Variants in PCGF2 observed in about 807,000 individuals in gnomAD.
PCGF2 encodes the protein polycomb group RING finger protein 2.
A neutral mutation model predicts 36.1 loss-of-function variants in PCGF2; 8 were observed. The ratio of observed to expected loss-of-function variants is 0.22; its 90% CI spans 0.13 to 0.40. The LOEUF is 0.40. Among genes scored for constraint, PCGF2 ranks in the 10% least tolerant of loss-of-function variants. The pLI is 1.00. For missense variants in PCGF2, 436 were observed against 475.9 expected (o/e 0.92, Z 0.78); for synonymous variants, 198 against 191.2 (o/e 1.04, Z -0.29).
Position 38,739,613 on chromosome 17 carries a change from T to C in PCGF2, c.182A>G (p.His61Arg). The C allele has an allele frequency of 6.2e-7, 1 of 1,614,060 alleles. No homozygotes were observed. The highest frequency in any genetic ancestry group is 8.5e-7 in the Non-Finnish European group (1 of 1,179,944). Reference sequence around the variant, plus strand: ...GATGCTCAGCAGCGGCCGGGTTTTATGGACCTGCACGTCACACATGGGGCA... The same window carrying C: ...GATGCTCAGCAGCGGCCGGGTTTTACGGACCTGCACGTCACACATGGGGCA... ...KYCPMCDVQV[H>R]KTRPLLSIRS... Residue 61 changes from histidine to arginine, a missense_variant, in exon 4 of 11, where the codon CAT becomes CGT. Around this residue, in one of 3 missense-constraint regions of PCGF2, gnomAD observed 189 missense variants for 219.3 expected, o/e 0.86. Coordinates refer to ENST00000620225, the MANE Select transcript of PCGF2 (RefSeq NM_007144.3). This position sits in a 1 kb window ranked among gnomAD's most constrained non-coding sequence, Gnocchi z 4.0.
chr17:38,734,937 T>G lies in PCGF2; in HGVS notation c.*286A>C. On this transcript the variant is annotated 3_prime_UTR_variant, in exon 11 of 11. Coordinates refer to ENST00000620225, the MANE Select transcript of PCGF2 (RefSeq NM_007144.3). ...TCCAGGCACCCCCAAAAACAGCAAA[T>G]TACACAAGACCCCCCCCAAAAAAAA... is the stretch of plus-strand genomic sequence containing the variant. The G allele has an allele frequency of 8.1e-6, 2 of 248,428 alleles. No homozygotes were observed. The highest frequency in any genetic ancestry group is 5.6e-5 in the Admixed American group (1 of 17,974). The allele number at this position is 248,428 out of a possible 1,614,324, so 15.4% of individuals were successfully genotyped here. A position where few individuals can be genotyped will look rare whatever the true frequency, so the allele number is the denominator to read the frequency against.
upstream of PCGF2, chr17:38,748,381 GA>G (rs1907698569): frequency 7.5e-6 from 1 of 134,080 alleles, no homozygotes; most frequent in Non-Finnish European, 1.6e-5. Flanking sequence ...ACCGAGGGGG[GA>G]GGGGAGGGAC....
At chr17:38,736,793 C>T (rs1181063707) in intron 9 of PCGF2, among the ~76,000 whole-genome samples, 1 of 151,898 alleles carries the variant, frequency 6.6e-6, no homozygotes, top group Non-Finnish European at 1.5e-5. Flanking sequence ...GAGATAGTGC[C>T]CCTGAACTCC....
intron 2 of PCGF2, among the ~76,000 whole-genome samples, chr17:38,741,311 TATTCACTCACATGGTCCAC>T (rs1907189844): frequency 1.3e-5 from 2 of 152,000 alleles, no homozygotes; most frequent in South Asian, 4.1e-4. Flanking sequence ...TCCCAATCCG[TATTCACTCACATGGTCCAC>T]ATTTAAAGCA....
At chr17:38,749,792 T>C (rs1274035972), upstream of PCGF2, 3 of 452,566 alleles carry the variant, frequency 6.6e-6, no homozygotes, top group South Asian at 3.1e-5. This position sits in a 1 kb window ranked among gnomAD's most constrained non-coding sequence, Gnocchi z 6.5. Context: ...GGCCGCCGAG[T>C]GACCCCAGCT....
chr17:38,738,234 C>T (rs982934454), intron 9 of PCGF2, 119 bp downstream of exon 9: 1 of 818,056 alleles, frequency 1.2e-6, no homozygotes, highest in Non-Finnish European at 2.0e-6. Context: ...CGCATGGGCT[C>T]AGTTAACCGC....
intron 9 of PCGF2, among the ~76,000 whole-genome samples, chr17:38,736,442 G>C (rs1906728661): frequency 1.3e-5 from 2 of 152,130 alleles, no homozygotes; most frequent in Non-Finnish European, 2.9e-5. Context: ...TCCTATCTCT[G>C]GCAGGTCGCC....
intron 2 of PCGF2, among the ~76,000 whole-genome samples, chr17:38,747,072 G>A (rs979247272): frequency 2.0e-5 from 3 of 152,176 alleles, no homozygotes; most frequent in African/African-American, 7.2e-5. Context: ...GGGACACTGA[G>A]GGACAAAGAT....
chr17:38,735,267 G>T lies in PCGF2; in HGVS notation c.991C>A (p.Arg331Ser). ...LQTPSSTSRG[R>S]KMTVNGAPVP... is the part of the protein sequence containing the mutation. Reference sequence around the variant, plus strand: ...GGAGCGCCGTTGACAGTCATCTTGCGCCCCCTGCTGGTGGAGGATGGTGTC... The same window carrying T: ...GGAGCGCCGTTGACAGTCATCTTGCTCCCCCTGCTGGTGGAGGATGGTGTC... Residue 331 changes from arginine to serine, a missense_variant, in exon 11 of 11, where the codon CGC becomes AGC. Physicochemically the swap from Arg to Ser is moderately radical, Grantham distance 110. Transcript: ENST00000620225. 1.4e-5 allele frequency: 20 copies of T among 1,466,796 alleles called. No homozygotes were observed. Among genetic ancestry groups the T allele is most frequent in the Non-Finnish European group, 1.8e-5 (20 of 1,098,572 alleles). The allele number at this position is 1,466,796 out of a possible 1,614,324, so 90.9% of individuals were successfully genotyped here. A position where few individuals can be genotyped will look rare whatever the true frequency, so the allele number is the denominator to read the frequency against.
At chr17:38,740,514 C>G (rs1352464403) in intron 2 of PCGF2, 72 bp from the exon 3 acceptor site, 8 of 1,113,874 alleles carry the variant, frequency 7.2e-6, no homozygotes, top group Non-Finnish European at 1.0e-5. Flanking sequence ...AATCCCAGCA[C>G]TTTGGGAGGC....
rs376196111 is a variant in PCGF2 at position 38,735,442 on chromosome 17, G to A, written c.816C>T (p.Thr272=). The change falls in exon 11 of 11, where the codon ACC becomes ACT. Residue 272 remains threonine, a synonymous_variant. Coordinates refer to ENST00000620225, the MANE Select transcript of PCGF2 (RefSeq NM_007144.3). ...KAPSPATLPA[T]SSSLPSPATP... The stretch of plus-strand genomic sequence containing the variant: ...TGGCTGGGCTGGGCAGGGAGGAGGA[G>A]GTGGCTGGCAGGGTGGCAGGGCTGG... The A allele has an allele frequency of 1.3e-6, 2 of 1,585,458 alleles. No individual in the cohort carries two copies. The highest frequency in any genetic ancestry group is 1.1e-5 in the South Asian group (1 of 87,136).
Position 38,740,291 on chromosome 17 carries a change from A to G in PCGF2, c.112T>C (p.Phe38Leu), listed in dbSNP as rs1352006959. Reference sequence around the variant, plus strand: ...AGCAGCTCCCCTCCCCCCAACTCACAGGAATGCAGGCACTCCACGATAGTG... The same window carrying G: ...AGCAGCTCCCCTCCCCCCAACTCACGGGAATGCAGGCACTCCACGATAGTG... Reference protein sequence around the residue: ...ATTIVECLHSFCKTCIVRYLE... With the variant: ...ATTIVECLHSLCKTCIVRYLE... Residue 38 changes from phenylalanine to leucine, a missense_variant and splice_region_variant, in exon 3 of 11, where the codon TTC becomes CTC. Coordinates refer to ENST00000620225, the MANE Select transcript of PCGF2 (RefSeq NM_007144.3). 1 of 1,608,674 alleles carries G rather than the reference A, an allele frequency of 6.2e-7. No individual in the cohort carries two copies. Among genetic ancestry groups the G allele is most frequent in the African/African-American group, 1.3e-5 (1 of 74,848 alleles).
At chr17:38,740,827 C>A (rs898098371) in intron 2 of PCGF2, among the ~76,000 whole-genome samples, 1 of 152,104 alleles carries the variant, frequency 6.6e-6, no homozygotes, top group Non-Finnish European at 1.5e-5. Flanking sequence ...ACACCTCCCC[C>A]CACCAGCACA....
At chr17:38,749,312 G>A (rs1907767861), upstream of PCGF2, 1 of 215,442 alleles carries the variant, frequency 4.6e-6, no homozygotes, top group Admixed American at 5.0e-5. The surrounding 1 kb of genome is among the most constrained non-coding windows in gnomAD (Gnocchi z 6.5). Context: ...GGAGAGTCGG[G>A]CGAGCGCCAA....
intron 10 of PCGF2, 63 bp from the exon 11 acceptor site, chr17:38,735,663 C>T (rs1906652439): frequency 6.8e-7 from 1 of 1,468,278 alleles, no homozygotes; most frequent in African/African-American, 1.4e-5. Context: ...CAGAGTCCAA[C>T]TAAAGGGCCA....
chr17:38,735,442 G>C lies in PCGF2; in HGVS notation c.816C>G (p.Thr272=), dbSNP rs376196111. 3.2e-6 allele frequency: 5 copies of C among 1,585,340 alleles called. No individual in the cohort carries two copies. In the African/African-American group the frequency reaches 6.7e-5, roughly 21 times the overall value. ...KAPSPATLPA[T]SSSLPSPATP... Reference sequence around the variant, plus strand: ...TGGCTGGGCTGGGCAGGGAGGAGGAGGTGGCTGGCAGGGTGGCAGGGCTGG... The same window carrying C: ...TGGCTGGGCTGGGCAGGGAGGAGGACGTGGCTGGCAGGGTGGCAGGGCTGG... Residue 272 remains threonine (T), a synonymous_variant, in exon 11 of 11, where the codon ACC becomes ACG. Transcript: ENST00000620225.
chr17:38,743,167 T>G (rs1907313607), intron 2 of PCGF2, among the ~76,000 whole-genome samples: 1 of 150,688 alleles, frequency 6.6e-6, no homozygotes, highest in African/African-American at 2.4e-5. Flanking sequence ...CTCGGCTCAC[T>G]GCAGCCTCCG....
At chr17:38,736,028 C>T in intron 10 of PCGF2, 62 bp downstream of exon 10, 1 of 1,136,796 alleles carries the variant, frequency 8.8e-7, no homozygotes, top group Non-Finnish European at 1.3e-6. Flanking sequence ...GCCCATGTGG[C>T]CACAGACCTA....
intron 9 of PCGF2, among the ~76,000 whole-genome samples, chr17:38,736,858 A>G (rs1489662905): frequency 6.7e-6 from 1 of 149,464 alleles, no homozygotes; most frequent in Non-Finnish European, 1.5e-5. Flanking sequence ...AAAACAAAAA[A>G]CAAACACCAA....
Sources: gnomAD v4.1 joint callset for allele counts (sites outside exome capture counted in the v4.1 genomes callset) on GRCh38, gnomAD v4.1.1 for gene constraint, gnomAD v4.1.1 regional missense constraint, Gnocchi (gnomAD v3.1) non-coding constraint, MANE v1.5 for transcripts, NCBI Gene and HGNC (gene_info 2026-07-23, HGNC 2026-07-21) for gene names.